Variants in PCDH15 observed in about 807,000 individuals in gnomAD.
PCDH15 encodes the protein protocadherin-15.
A neutral mutation model predicts 178.5 loss-of-function variants in PCDH15; 129 were observed. The ratio of observed to expected loss-of-function variants is 0.72; its 90% CI spans 0.63 to 0.84. The LOEUF is 0.84. Among genes scored for constraint, PCDH15 ranks in the 40% least tolerant of loss-of-function variants. The pLI, the probability that PCDH15 is intolerant of heterozygous loss-of-function variation, is 0.00. For synonymous variants in PCDH15, 800 were observed against 732.0 expected (o/e 1.09, Z -1.50); for missense variants, 2,230 against 2,099.9 (o/e 1.06, Z -1.21).
chr10:53,961,886 G>A lies in PCDH15; in HGVS notation c.2875C>T (p.Pro959Ser), dbSNP rs751778689. ...YAEDADPPGL[P>S]ASRVRYRVDD... ...ACTCTATACCTCACACGACTTGCAG[G>A]TAATCCCTAAAATAAAATTATTAAT... The change falls in exon 22 of 38, where the codon CCT (proline) becomes TCT (serine). Residue 959 changes from proline (P) to serine (S), a missense_variant. By Grantham distance (74) the Pro-to-Ser change is moderately conservative. Transcript: ENST00000644397. 1.7e-5 allele frequency: 27 copies of A among 1,606,936 alleles called. No individual in the cohort carries two copies. The highest frequency in any genetic ancestry group is 2.7e-5 in the African/African-American group (2 of 74,830).
At chr10:54,639,322 G>A (rs1442278752) in intron 2 of PCDH15, among the ~76,000 whole-genome samples, 1 of 151,994 alleles carries the variant, frequency 6.6e-6, no homozygotes. Context: ...TCTATGAGGA[G>A]GCATACATAT....
chr10:54,789,128 A>G (rs1440200355), intron 1 of PCDH15, among the ~76,000 whole-genome samples: 4 of 151,930 alleles, frequency 2.6e-5, no homozygotes, highest in Admixed American at 6.6e-5. Context: ...TTCATATTTA[A>G]AATTCATTTG....
chr10:54,132,974 A>G lies in PCDH15; in HGVS notation c.1818T>C (p.Leu606=). The change falls in exon 15 of 38, where the codon CTT becomes CTC. Residue 606 remains leucine (L), a synonymous_variant. Coordinates refer to ENST00000644397, the MANE Select transcript of PCDH15 (RefSeq NM_001384140.1). ...GAGGAGGGCTTTGATTATTTGGTGG[A>G]AGCACTTCAATATACACAGTGCAGA... ...NSICTVYIEV[L]PPNNQSPPRF... The G allele has an allele frequency of 6.2e-7, 1 of 1,614,150 alleles. No homozygotes were observed. The highest frequency in any genetic ancestry group is 1.1e-5 in the South Asian group (1 of 91,088).
At chr10:54,937,939 A>C (rs756622472) in intron 2 of PCDH15, among the ~76,000 whole-genome samples, 1 of 152,070 alleles carries the variant, frequency 6.6e-6, no homozygotes, top group African/African-American at 2.4e-5. Flanking sequence ...AGGGGAAAAC[A>C]TTTAGTCTTT....
chr10:54,388,090 C>A (rs1030063897), intron 3 of PCDH15, among the ~76,000 whole-genome samples: 6 of 152,114 alleles, frequency 3.9e-5, no homozygotes, highest in Non-Finnish European at 8.8e-5. Flanking sequence ...CTTAATACCA[C>A]TGAACTGTAC....
At chr10:54,586,317 A>G (rs903576679) in intron 2 of PCDH15, among the ~76,000 whole-genome samples, 19 of 152,164 alleles carry the variant, frequency 1.2e-4, no homozygotes, top group African/African-American at 4.1e-4. Context: ...AGTACCTACT[A>G]TGTTCCAGGC....
chr10:54,711,010 C>A (rs2095423240), intron 1 of PCDH15, among the ~76,000 whole-genome samples: 1 of 151,976 alleles, frequency 6.6e-6, no homozygotes. Flanking sequence ...TAAGGGACTA[C>A]AATTTCAGTA....
At chr10:54,725,671 C>A (rs72794569) in intron 1 of PCDH15, among the ~76,000 whole-genome samples, 2 of 148,120 alleles carry the variant, frequency 1.4e-5, no homozygotes, top group South Asian at 2.1e-4. Context: ...TCACTCTAAG[C>A]AACTCATTTA....
chr10:53,888,702 T>TATATAAA (rs1554845542), intron 26 of PCDH15, among the ~76,000 whole-genome samples: 4 of 46,190 alleles, frequency 8.7e-5, no homozygotes, highest in African/African-American at 2.3e-4. Flanking sequence ...TATATATATA[T>TATATAAA]ATCTCCTGTG....
At chr10:54,299,392 G>T (rs552241612) in intron 8 of PCDH15, among the ~76,000 whole-genome samples, 3 of 151,634 alleles carry the variant, frequency 2.0e-5, no homozygotes, top group African/African-American at 7.3e-5. Flanking sequence ...GATAGAAGTA[G>T]TAAAGAAAAA....
intron 30 of PCDH15, among the ~76,000 whole-genome samples, chr10:53,830,773 C>T (rs2132626625): frequency 6.6e-6 from 1 of 152,332 alleles, no homozygotes; most frequent in African/African-American, 2.4e-5. Context: ...ACACTAAAAA[C>T]TCTGGCAAAG....
chr10:54,741,549 C>T (rs1944808730), intron 1 of PCDH15, among the ~76,000 whole-genome samples: 1 of 151,934 alleles, frequency 6.6e-6, no homozygotes. Flanking sequence ...TGGTTTAAAA[C>T]AACACAAATG....
chr10:54,930,931 A>G (rs1321743299), intron 2 of PCDH15, among the ~76,000 whole-genome samples: 2 of 152,204 alleles, frequency 1.3e-5, no homozygotes, highest in African/African-American at 4.8e-5. Flanking sequence ...TTTGTCTCTT[A>G]TGAATAATTT....
chr10:54,589,649 C>A (rs554532675), intron 2 of PCDH15, among the ~76,000 whole-genome samples: 1 of 152,052 alleles, frequency 6.6e-6, no homozygotes, highest in Non-Finnish European at 1.5e-5. Flanking sequence ...TGTCATATAG[C>A]AACCATTCTT....
chr10:54,704,276 C>T (rs2095343661), intron 1 of PCDH15, among the ~76,000 whole-genome samples: 1 of 152,024 alleles, frequency 6.6e-6, no homozygotes, highest in African/African-American at 2.4e-5. Context: ...AGAACTTCTG[C>T]ATAGTACATG....
intron 28 of PCDH15, among the ~76,000 whole-genome samples, chr10:53,856,787 CTT>C (rs1332132461): frequency 2.0e-5 from 3 of 152,112 alleles, no homozygotes; most frequent in Non-Finnish European, 4.4e-5. Context: ...TTAAAACACT[CTT>C]AAACTATATG....
At chr10:55,476,280 GAA>G (rs1223717547) in intron 2 of PCDH15, among the ~76,000 whole-genome samples, 1 of 151,928 alleles carries the variant, frequency 6.6e-6, no homozygotes, top group Non-Finnish European at 1.5e-5. Flanking sequence ...TTGCCTTTGA[GAA>G]TAGAAAAAGA....
chr10:54,140,561 C>T (rs765371413), intron 14 of PCDH15, among the ~76,000 whole-genome samples: 114 of 152,006 alleles, frequency 7.5e-4, no homozygotes, highest in African/African-American at 2.4e-3. Flanking sequence ...CCCTGCCTCC[C>T]GGGTTCAAGT....
chr10:53,836,898 C>T (rs74134801), intron 29 of PCDH15, among the ~76,000 whole-genome samples: 3,190 of 152,026 alleles, frequency 0.021, 115 homozygotes, highest in African/African-American at 0.071. Flanking sequence ...ATGCCTGAAG[C>T]GATGGAGAAA....
Sources: allele counts gnomAD v4.1 joint callset (sites outside exome capture counted in the v4.1 genomes callset), GRCh38; gene constraint gnomAD v4.1.1; transcripts MANE v1.5; gene names NCBI Gene and HGNC (gene_info 2026-07-23, HGNC 2026-07-21).